Variants in LNX2 observed in about 807,000 individuals in gnomAD.
LNX2 encodes the protein ligand of Numb protein X 2.
A neutral mutation model predicts 66.2 loss-of-function variants in LNX2; 35 were observed. The ratio of observed to expected loss-of-function variants is 0.53; its 90% confidence interval spans 0.40 to 0.70. LNX2 has a LOEUF of 0.70. Among genes scored for constraint, LNX2 ranks in the 30% least tolerant of loss-of-function variants. The pLI is 0.00. For synonymous variants in LNX2, 337 were observed against 315.6 expected (o/e 1.07, Z -0.72); for missense variants, 791 against 850.8 (o/e 0.93, Z 0.87).
rs972787191 is a variant in LNX2 at position 27,548,139 on chromosome 13, G to A, written c.*196C>T. ...AACTCACAAAGGTTAGTGGAAGACT[G>A]TTTCCAAGCTAAAAGAAATGTAACT... On this transcript the variant is annotated 3_prime_UTR_variant, in exon 10 of 10. Coordinates refer to ENST00000316334, the MANE Select transcript of LNX2 (RefSeq NM_153371.4). The A allele has an allele frequency of 5.4e-6, 3 of 552,278 alleles. No homozygotes were observed. The African/African-American group carries it at 5.6e-5, about 10-fold the overall frequency. 34.2% of individuals were successfully genotyped at this position (552,278 alleles called of 1,614,324 possible).
intron 1 of LNX2, among the ~76,000 whole-genome samples, chr13:27,618,677 G>A (rs1342432051): frequency 2.0e-5 from 3 of 152,110 alleles, no homozygotes; most frequent in African/African-American, 7.2e-5. Context: ...CCCAATGTAA[G>A]CAAGAAAAGG....
chr13:27,568,992 TAG>T, intron 3 of LNX2, 35 bp downstream of exon 3: 1 of 1,552,774 alleles, frequency 6.4e-7, no homozygotes, highest in Non-Finnish European at 8.7e-7. Context: ...AGAAAGGAAA[TAG>T]AGATGAAATA....
At chr13:27,554,601 T>C (rs116807226) in intron 7 of LNX2, among the ~76,000 whole-genome samples, 52 of 152,348 alleles carry the variant, frequency 3.4e-4, no homozygotes, top group African/African-American at 1.2e-3. Flanking sequence ...TTTTGCTGTA[T>C]GGGTAGACCA....
At chr13:27,573,703 C>T (rs576644397) in intron 2 of LNX2, among the ~76,000 whole-genome samples, 3 of 152,184 alleles carry the variant, frequency 2.0e-5, no homozygotes, top group Admixed American at 2.0e-4. Context: ...TTAAAGAATT[C>T]TCTGTCCAAT....
chr13:27,560,565 G>GTATATATATATATATATGTATATATA (rs1955120718), intron 5 of LNX2, among the ~76,000 whole-genome samples: 1 of 119,970 alleles, frequency 8.3e-6, no homozygotes, highest in Non-Finnish European at 1.7e-5. Context: ...ATGTATGTGT[G>GTATATATATATATATATGTATATATA]TATATATATA....
chr13:27,596,875 GT>G (rs1955604284), intron 1 of LNX2, among the ~76,000 whole-genome samples: 1 of 152,138 alleles, frequency 6.6e-6, no homozygotes, highest in African/African-American at 2.4e-5. Context: ...TACTCCCAAT[GT>G]CATAACATAC....
rs1456101243 is a variant in LNX2, at chr13:27,583,241, T to TGCGCGCGC, written c.-100-1439_-100-1438insGCGCGCGC. 9.7e-5 allele frequency among the ~76,000 whole-genome samples: 2 copies of TGCGCGCGC among 20,542 alleles called. 1 individual carries two copies. Among genetic ancestry groups the TGCGCGCGC allele is most frequent in the Admixed American group, 1.2e-3 (2 of 1,674 alleles). 13.5% of individuals were successfully genotyped at this position (20,542 alleles called of 152,430 possible). On this transcript the variant is annotated intron_variant, in intron 1 of 9. Coordinates refer to ENST00000316334, the MANE Select transcript of LNX2 (RefSeq NM_153371.4). ...GTGTGTGTGTGTGTGTGTGTGTGTG[T>TGCGCGCGC]GTGTGTGTGTGTGTGCGCGCGTCCT...
At chr13:27,615,944 CAA>C (rs939264214) in intron 1 of LNX2, among the ~76,000 whole-genome samples, 1 of 152,046 alleles carries the variant, frequency 6.6e-6, no homozygotes, top group African/African-American at 2.4e-5. Context: ...ATGCTGTCAA[CAA>C]AAAGAGTCAA....
At chr13:27,575,789 A>G (rs1955334973) in intron 2 of LNX2, among the ~76,000 whole-genome samples, 1 of 152,236 alleles carries the variant, frequency 6.6e-6, no homozygotes, top group Admixed American at 6.5e-5. Context: ...CATTTAAAAT[A>G]GACTGCTATA....
At chr13:27,550,086 G>A (rs775528073) in intron 9 of LNX2, among the ~76,000 whole-genome samples, 77 of 152,254 alleles carry the variant, frequency 5.1e-4, no homozygotes, top group Non-Finnish European at 8.5e-4. Context: ...AATTTTTTCC[G>A]TAAGGGGTCA....
intron 1 of LNX2, among the ~76,000 whole-genome samples, chr13:27,604,569 T>C (rs569582086): frequency 6.6e-6 from 1 of 152,272 alleles, no homozygotes; most frequent in Non-Finnish European, 1.5e-5. Flanking sequence ...GGAGATATAA[T>C]ATATATATGG....
chr13:27,618,308 T>C (rs920800523), intron 1 of LNX2, among the ~76,000 whole-genome samples: 1 of 152,194 alleles, frequency 6.6e-6, no homozygotes, highest in African/African-American at 2.4e-5. Context: ...TTCTAAGTAA[T>C]AGACATGTTT....
At chr13:27,582,592 G>A (rs761167001) in intron 1 of LNX2, among the ~76,000 whole-genome samples, 22 of 152,218 alleles carry the variant, frequency 1.4e-4, no homozygotes, top group South Asian at 6.2e-4. Context: ...CAAAGATTGC[G>A]TCTTTGAAAT....
At chr13:27,613,190 G>A (rs1480634386) in intron 1 of LNX2, among the ~76,000 whole-genome samples, 1 of 152,186 alleles carries the variant, frequency 6.6e-6, no homozygotes, top group African/African-American at 2.4e-5. Context: ...AAAGGTGCCA[G>A]TGGGAAGCAT....
At chr13:27,550,544 C>T (rs17811002) in intron 8 of LNX2, 53 bp from the exon 9 acceptor site, 50,023 of 1,429,708 alleles carry the variant, frequency 0.035, 1,021 homozygotes, top group East Asian at 0.062. Context: ...CTTTTATAGC[C>T]GCTTATTTTT....
chr13:27,584,850 G>A (rs1007674593), intron 1 of LNX2, among the ~76,000 whole-genome samples: 5 of 152,188 alleles, frequency 3.3e-5, no homozygotes, highest in African/African-American at 1.2e-4. Flanking sequence ...GGGCACGGTG[G>A]CTCACGCCTG....
intron 1 of LNX2, among the ~76,000 whole-genome samples, chr13:27,582,485 T>C (rs1261272894): frequency 6.6e-6 from 1 of 152,256 alleles, no homozygotes; most frequent in Non-Finnish European, 1.5e-5. Context: ...TTAATTGTGC[T>C]AATAGTAATG....
chr13:27,588,686 A>G (rs1442124706), intron 1 of LNX2, among the ~76,000 whole-genome samples: 2 of 152,204 alleles, frequency 1.3e-5, no homozygotes, highest in African/African-American at 4.8e-5. Context: ...ACAACTGTAT[A>G]TGAATCTACA....
chr13:27,579,643 T>C (rs1955376763), intron 2 of LNX2, among the ~76,000 whole-genome samples: 1 of 152,186 alleles, frequency 6.6e-6, no homozygotes, highest in African/African-American at 2.4e-5. Context: ...TTCCTGAAAA[T>C]CTGTGAAACT....
Sources: gnomAD v4.1 joint callset for allele counts (sites outside exome capture counted in the v4.1 genomes callset) on GRCh38, gnomAD v4.1.1 for gene constraint, MANE v1.5 for transcripts, NCBI Gene and HGNC (gene_info 2026-07-23, HGNC 2026-07-21) for gene names.